DENND1B: variants seen among roughly 807,000 people sequenced by gnomAD.
The protein encoded by DENND1B is DENN domain containing 1B, also known as DENN domain-containing protein 1B.
In DENND1B, 59 loss-of-function variants were observed where a neutral mutation model predicts 90.1. That is an observed-to-expected ratio of 0.65 (90% CI 0.53 to 0.81). The LOEUF (loss-of-function observed/expected upper bound fraction) is 0.81, where lower values mean the gene tolerates loss of function less well. DENND1B is among the 40% of genes least tolerant of loss of function. The probability of loss-of-function intolerance (pLI) is 0.00; values close to 1 mark genes in which losing one functional copy is unlikely to be tolerated. For synonymous variants in DENND1B, 337 were observed against 324.6 expected, an observed-to-expected ratio of 1.04 and a Z score of -0.41; for missense variants, 862 against 912.6, an observed-to-expected ratio of 0.94 and a Z score of 0.71.
rs545429511 is a variant in DENND1B, at chr1:197,615,553, C to T, written c.773+2106G>A. 7.9e-5 allele frequency among the ~76,000 whole-genome samples: 12 copies of T among 151,014 alleles called. No individual in the cohort carries two copies. In the South Asian group the frequency reaches 1.0e-3, roughly 13 times the overall value. On this transcript the variant is annotated intron_variant, in intron 11 of 22. Transcript: ENST00000620048. ...GGAATATTCATAAAAAGTATTTAATCAAAACTATGAGATTGAAGGGATGAT... is the reference window on the plus strand; with the variant it reads ...GGAATATTCATAAAAAGTATTTAATTAAAACTATGAGATTGAAGGGATGAT...
At chr1:197,704,294 C>A (rs1488989694) in intron 3 of DENND1B, among the ~76,000 whole-genome samples, 1 of 152,170 alleles carries the variant, frequency 6.6e-6, no homozygotes, top group Non-Finnish European at 1.5e-5. Context: ...TTCATGCAAT[C>A]TCTTTTTTCC....
intron 10 of DENND1B, among the ~76,000 whole-genome samples, chr1:197,629,399 T>A (rs1679108978): frequency 1.3e-5 from 2 of 151,584 alleles, no homozygotes; most frequent in South Asian, 4.2e-4. Context: ...AAACTGGAAA[T>A]CATGATTCTC....
chr1:197,595,185 C>T (rs1214642510), intron 14 of DENND1B, 23 bp downstream of exon 14: 1 of 1,590,574 alleles, frequency 6.3e-7, no homozygotes, highest in African/African-American at 1.4e-5. Flanking sequence ...CAAATTAAAA[C>T]AGTGATGAAA....
At chr1:197,598,881 T>C (rs1313854679) in intron 13 of DENND1B, among the ~76,000 whole-genome samples, 2 of 151,938 alleles carry the variant, frequency 1.3e-5, no homozygotes, top group African/African-American at 4.8e-5. Flanking sequence ...TTAGGATAGA[T>C]CACAAACGAA....
chr1:197,525,892 C>T (rs2125623187), intron 20 of DENND1B, among the ~76,000 whole-genome samples: 1 of 151,970 alleles, frequency 6.6e-6, no homozygotes, highest in Admixed American at 6.5e-5. Flanking sequence ...ACGTCAAAGA[C>T]ACTAATAAAG....
intron 15 of DENND1B, among the ~76,000 whole-genome samples, chr1:197,568,938 A>G (rs1672917947): frequency 1.3e-5 from 2 of 152,144 alleles, no homozygotes; most frequent in African/African-American, 4.8e-5. Flanking sequence ...AGCACAGGCA[A>G]CGAAAGCAAA....
intron 5 of DENND1B, among the ~76,000 whole-genome samples, chr1:197,670,755 G>A (rs538424710): frequency 6.6e-6 from 1 of 151,964 alleles, no homozygotes; most frequent in African/African-American, 2.4e-5. Flanking sequence ...TAAAATTTCA[G>A]CAGGAAACAA....
intron 20 of DENND1B, among the ~76,000 whole-genome samples, chr1:197,514,591 T>C (rs1255195542): frequency 2.6e-5 from 4 of 151,656 alleles, no homozygotes; most frequent in Non-Finnish European, 5.9e-5. Context: ...AGAAAGAGAA[T>C]AGGTGAGGCT....
At chr1:197,655,590 G>C (rs1653725127) in intron 6 of DENND1B, among the ~76,000 whole-genome samples, 1 of 150,212 alleles carries the variant, frequency 6.7e-6, no homozygotes, top group Non-Finnish European at 1.5e-5. Flanking sequence ...GGAGTGCGCT[G>C]GCGCGATCTG....
intron 20 of DENND1B, among the ~76,000 whole-genome samples, chr1:197,516,092 T>A (rs973668429): frequency 1.6e-4 from 24 of 151,978 alleles, no homozygotes; most frequent in Admixed American, 1.4e-3. Flanking sequence ...AAGCATTCTA[T>A]CCATTTCTAT....
At chr1:197,571,626 CTGTT>C (rs1673161914) in intron 15 of DENND1B, among the ~76,000 whole-genome samples, 1 of 152,148 alleles carries the variant, frequency 6.6e-6, no homozygotes, top group South Asian at 2.1e-4. Flanking sequence ...TTCTTATTTG[CTGTT>C]TGTTTGTTAA....
intron 2 of DENND1B, among the ~76,000 whole-genome samples, chr1:197,719,225 C>T (rs1660929247): frequency 6.6e-6 from 1 of 152,054 alleles, no homozygotes; most frequent in Non-Finnish European, 1.5e-5. Context: ...TAAAGGTAGA[C>T]AGAAAGCTTA....
chr1:197,511,493 A>G (rs1420643014), intron 22 of DENND1B, among the ~76,000 whole-genome samples: 1 of 151,778 alleles, frequency 6.6e-6, no homozygotes, highest in African/African-American at 2.4e-5. Context: ...GCTTGACAAA[A>G]TAATTTCAAT....
At chr1:197,702,589 G>C (rs896642214) in intron 3 of DENND1B, among the ~76,000 whole-genome samples, 3 of 152,124 alleles carry the variant, frequency 2.0e-5, no homozygotes, top group African/African-American at 7.2e-5. Context: ...TCCTCAGAAT[G>C]CTAAAACATT....
At chr1:197,691,633 G>A (rs1207941962) in intron 3 of DENND1B, among the ~76,000 whole-genome samples, 2 of 151,872 alleles carry the variant, frequency 1.3e-5, no homozygotes, top group Non-Finnish European at 2.9e-5. Context: ...CTGAAATCAG[G>A]ATCATAAAGG....
intron 2 of DENND1B, among the ~76,000 whole-genome samples, chr1:197,761,196 C>T (rs2102459529): frequency 6.6e-6 from 1 of 152,162 alleles, no homozygotes; most frequent in East Asian, 1.9e-4. Flanking sequence ...ATTTTAAAGA[C>T]ATTATTTTCT....
chr1:197,556,684 T>G (rs1475116830), intron 15 of DENND1B, among the ~76,000 whole-genome samples: 1 of 151,992 alleles, frequency 6.6e-6, no homozygotes, highest in East Asian at 1.9e-4. Flanking sequence ...TTGGGCCACT[T>G]GTCACCTCTA....
At chr1:197,516,340 A>G (rs1558191958) in intron 20 of DENND1B, among the ~76,000 whole-genome samples, 1 of 151,860 alleles carries the variant, frequency 6.6e-6, no homozygotes, top group South Asian at 2.1e-4. Flanking sequence ...CAGTTTATAT[A>G]TAAGAAATAA....
At position 197,506,787 on chromosome 1, in the gene DENND1B, A is replaced by G. The variant is rs1215005522; in HGVS notation, c.*3673T>C. On this transcript the variant is annotated 3_prime_UTR_variant, in exon 23 of 23. Transcript: ENST00000620048. ...ACAGAACGCTGTTATTCATATAAAA[A>G]TAGTAAAAATTGGATTCCCATTAAC... 1 of 151,498 alleles carries G rather than the reference A, an allele frequency of 6.6e-6. No homozygotes were observed. Among genetic ancestry groups the G allele is most frequent in the Non-Finnish European group, 1.5e-5 (1 of 67,602 alleles). The allele number at this position is 151,498 out of a possible 1,614,324, so 9.4% of individuals were successfully genotyped here.
Sources: gnomAD v4.1 joint callset for allele counts (sites outside exome capture counted in the v4.1 genomes callset) on GRCh38, gnomAD v4.1.1 for gene constraint, MANE v1.5 for transcripts, NCBI Gene and HGNC (gene_info 2026-07-23, HGNC 2026-07-21) for gene names.